Variants in MMP24 observed in about 807,000 individuals in gnomAD.
MMP24 encodes the protein matrix metallopeptidase 24.
MMP24 carries 25 observed loss-of-function variants against 62.8 expected under a neutral mutation model. That is an observed-to-expected ratio of 0.40 (90% confidence interval 0.29 to 0.56). The LOEUF is 0.56. Ranked by LOEUF, MMP24 falls within the 20% of genes least tolerant of loss-of-function variation. The pLI, the probability that MMP24 is intolerant of heterozygous loss-of-function variation, is 0.50. For missense variants in MMP24, 634 were observed against 853.6 expected, an observed-to-expected ratio of 0.74 and a Z score of 3.21; for synonymous variants, 319 against 350.5, an observed-to-expected ratio of 0.91 and a Z score of 1.00.
intron 1 of MMP24, among the ~76,000 whole-genome samples, chr20:35,245,728 C>T (rs752127960): frequency 3.3e-5 from 5 of 151,356 alleles, no homozygotes; most frequent in African/African-American, 9.7e-5. Context: ...GGATTTTAGG[C>T]GCGAACCACC....
At chr20:35,272,926 C>G (rs1456151876) in intron 8 of MMP24, among the ~76,000 whole-genome samples, 1 of 152,186 alleles carries the variant, frequency 6.6e-6, no homozygotes, top group Non-Finnish European at 1.5e-5. Context: ...GCCTAGCACA[C>G]CATCCATGCT....
At chr20:35,234,060 C>T (rs1404491355) in intron 1 of MMP24, among the ~76,000 whole-genome samples, 1 of 152,196 alleles carries the variant, frequency 6.6e-6, no homozygotes, top group Non-Finnish European at 1.5e-5. Context: ...CTCTGACTTC[C>T]TTTTATACCA....
intron 8 of MMP24, among the ~76,000 whole-genome samples, chr20:35,272,871 G>T (rs1260380132): frequency 6.6e-6 from 1 of 152,148 alleles, no homozygotes; most frequent in Non-Finnish European, 1.5e-5. Context: ...TAATGGTTTT[G>T]TGAGGATTAA....
At chr20:35,263,763 G>A (rs1319447602) in intron 4 of MMP24, 28 bp from the exon 5 acceptor site, 1 of 1,481,094 alleles carries the variant, frequency 6.8e-7, no homozygotes, top group African/African-American at 1.4e-5. Flanking sequence ...CAGGTGCCCT[G>A]GGCACCTCCC....
chr20:35,250,811 C>T (rs1172721468), intron 2 of MMP24, among the ~76,000 whole-genome samples: 1 of 152,098 alleles, frequency 6.6e-6, no homozygotes. Flanking sequence ...TGAGAACTCA[C>T]TCACTATCAG....
intron 1 of MMP24, among the ~76,000 whole-genome samples, chr20:35,236,457 A>G (rs2060463682): frequency 6.6e-6 from 1 of 152,240 alleles, no homozygotes; most frequent in African/African-American, 2.4e-5. Context: ...TGCCTTCAGT[A>G]TGAAATTTTA....
intron 3 of MMP24, among the ~76,000 whole-genome samples, 200 bp downstream of exon 3, chr20:35,252,221 T>C (rs2060551263): frequency 1.3e-5 from 2 of 152,248 alleles, no homozygotes; most frequent in Non-Finnish European, 2.9e-5. Flanking sequence ...CACAGGATGC[T>C]GTGACTCCAA....
Position 35,275,950 on chromosome 20 carries a change from G to C in MMP24, c.*1341G>C. 5.0e-6 allele frequency: 2 copies of C among 398,616 alleles called. No homozygotes were observed. Among genetic ancestry groups the C allele is most frequent in the Non-Finnish European group, 8.8e-6 (2 of 226,096 alleles). The allele number at this position is 398,616 out of a possible 1,614,324, so 24.7% of individuals were successfully genotyped here. A position where few individuals can be genotyped will look rare whatever the true frequency, so the allele number is the denominator to read the frequency against. ...AGGGCTTGGCCTGCCTTGCTCCACAGTACGGCGGAGGCAGCCCTGCTTGTC... is the reference window on the plus strand; with the variant it reads ...AGGGCTTGGCCTGCCTTGCTCCACACTACGGCGGAGGCAGCCCTGCTTGTC... On this transcript the variant is annotated 3_prime_UTR_variant, in exon 9 of 9. Transcript: ENST00000246186.
At chr20:35,267,127 T>C in intron 5 of MMP24, 78 bp from the exon 6 acceptor site, 2 of 1,234,178 alleles carry the variant, frequency 1.6e-6, no homozygotes, top group South Asian at 1.4e-5. Context: ...GTCTCAGAGC[T>C]GCCTGGGTGA....
At position 35,263,888 on chromosome 20, in the gene MMP24, G is replaced by A. The variant is rs1229089059; in HGVS notation, c.915G>A (p.Gln305=). 1 of 1,613,232 alleles carries A rather than the reference G, an allele frequency of 6.2e-7. No homozygotes were observed. The highest frequency in any genetic ancestry group is 2.2e-5 in the East Asian group (1 of 44,820). The change falls in exon 5 of 9, where the codon CAG becomes CAA. Residue 305 remains glutamine, a synonymous_variant. Transcript: ENST00000246186. ...GCGCCATCATGGCGCCCTTCTACCA[G>A]TACATGGAGACGCACAACTTCAAGC... ...DPSAIMAPFY[Q]YMETHNFKLP...
intron 1 of MMP24, among the ~76,000 whole-genome samples, chr20:35,237,178 AAGCAACAC>A (rs1287438532): frequency 6.6e-6 from 1 of 152,160 alleles, no homozygotes; most frequent in Non-Finnish European, 1.5e-5. Flanking sequence ...TTATTTCTAA[AAGCAACAC>A]AGACTTGTTT....
chr20:35,247,039 G>T, intron 2 of MMP24, 51 bp downstream of exon 2: 1 of 1,606,318 alleles, frequency 6.2e-7, no homozygotes, highest in East Asian at 2.2e-5. Context: ...ACTTACATTT[G>T]GGTTCACATT....
chr20:35,267,065 T>C (rs1361491593), intron 5 of MMP24, 140 bp from the exon 6 acceptor site: 2 of 658,300 alleles, frequency 3.0e-6, no homozygotes, highest in East Asian at 2.7e-5. Context: ...TCTCAAAGAC[T>C]GGGGGAGTTA....
chr20:35,232,969 C>T (rs1361308172), intron 1 of MMP24, among the ~76,000 whole-genome samples: 3 of 152,048 alleles, frequency 2.0e-5, no homozygotes, highest in Non-Finnish European at 2.9e-5. Flanking sequence ...AACTTAGGGG[C>T]GAGTACTCAT....
rs1011450576 is a variant in MMP24, at chr20:35,269,553, C to G, written c.1195-207C>G. On this transcript the variant is annotated intron_variant, in intron 6 of 8. Coordinates refer to ENST00000246186, the MANE Select transcript of MMP24 (RefSeq NM_006690.4). The surrounding 1 kb of genome is among the most constrained non-coding windows in gnomAD (Gnocchi z 4.6). ...TGTCTGCTGTTTGTCTCATTGTCCA[C>G]CCAGCAGCAAGAGTCAGCAGGAGGC... 6.6e-6 allele frequency among the ~76,000 whole-genome samples: 1 copy of G among 152,176 alleles called. No individual in the cohort carries two copies. The highest frequency in any genetic ancestry group is 1.5e-5 in the Non-Finnish European group (1 of 68,042).
Position 35,275,955 on chromosome 20 carries a change from G to A in MMP24, c.*1346G>A. 2 of 398,614 alleles carry A rather than the reference G, an allele frequency of 5.0e-6. No homozygotes were observed. The highest frequency in any genetic ancestry group is 4.4e-6 in the Non-Finnish European group (1 of 226,086). The allele number at this position is 398,614 out of a possible 1,614,324, so 24.7% of individuals were successfully genotyped here. On this transcript the variant is annotated 3_prime_UTR_variant, in exon 9 of 9. Transcript: ENST00000246186. ...TTGGCCTGCCTTGCTCCACAGTACG[G>A]CGGAGGCAGCCCTGCTTGTCACTGA...
intron 3 of MMP24, 91 bp downstream of exon 3, chr20:35,252,112 G>C: frequency 6.6e-6 from 7 of 1,064,958 alleles, no homozygotes; most frequent in Non-Finnish European, 1.0e-5. Flanking sequence ...CAATGTAGGG[G>C]GGCCTGGGGA....
At position 35,269,418 on chromosome 20, in the gene MMP24, G is replaced by A. The variant is rs1241935241; in HGVS notation, c.1195-342G>A. Among the ~76,000 whole-genome samples, 4 of 152,160 alleles carry A rather than the reference G, an allele frequency of 2.6e-5. No individual in the cohort carries two copies. Among genetic ancestry groups the A allele is most frequent in the East Asian group, 1.9e-4 (1 of 5,178 alleles). Reference sequence around the variant, plus strand: ...GACCACCCCAGCCTCCCACTGTCCCGAGGACCAGTCTGGCTGATGTCAGTG... The same window carrying A: ...GACCACCCCAGCCTCCCACTGTCCCAAGGACCAGTCTGGCTGATGTCAGTG... On this transcript the variant is annotated intron_variant, in intron 6 of 8. Coordinates refer to ENST00000246186, the MANE Select transcript of MMP24 (RefSeq NM_006690.4). The surrounding 1 kb of genome is among the most constrained non-coding windows in gnomAD (Gnocchi z 4.6).
chr20:35,240,005 T>A (rs2060481693), intron 1 of MMP24, among the ~76,000 whole-genome samples: 1 of 152,090 alleles, frequency 6.6e-6, no homozygotes, highest in African/African-American at 2.4e-5. Flanking sequence ...GTATAGGAAG[T>A]CCTGGGAGGG....
Sources: gnomAD v4.1 joint callset for allele counts (sites outside exome capture counted in the v4.1 genomes callset) on GRCh38, gnomAD v4.1.1 for gene constraint, Gnocchi (gnomAD v3.1) non-coding constraint, MANE v1.5 for transcripts, NCBI Gene and HGNC (gene_info 2026-07-23, HGNC 2026-07-21) for gene names.